The following SH3D19 variants were observed in gnomAD, a reference collection of about 807,000 sequenced individuals.
SH3D19 encodes the protein SH3 domain-containing protein 19.
A neutral mutation model predicts 112.1 loss-of-function variants in SH3D19; 58 were observed. The observed-to-expected ratio is 0.52, with a 90% CI of 0.42 to 0.64. The LOEUF (loss-of-function observed/expected upper bound fraction) is 0.64, where lower values mean the gene tolerates loss of function less well. Among genes scored for constraint, SH3D19 ranks in the 30% least tolerant of loss-of-function variants. SH3D19 has a pLI of 0.00. For missense variants in SH3D19, 1,090 were observed against 1,263.4 expected, an observed-to-expected ratio of 0.86 and a Z score of 2.08; for synonymous variants, 391 against 448.5, an observed-to-expected ratio of 0.87 and a Z score of 1.62.
At chr4:151,247,615 C>T (rs1389681851) in intron 1 of SH3D19, among the ~76,000 whole-genome samples, 1 of 152,156 alleles carries the variant, frequency 6.6e-6, no homozygotes, top group Non-Finnish European at 1.5e-5. Flanking sequence ...CATTTTAGAA[C>T]ATTCCCATCA....
chr4:151,247,639 G>A (rs1000333430), intron 1 of SH3D19, among the ~76,000 whole-genome samples: 9 of 152,070 alleles, frequency 5.9e-5, no homozygotes, highest in Admixed American at 3.3e-4. Flanking sequence ...TAGAAAGATC[G>A]CTTGTGCCCA....
chr4:151,204,838 T>C (rs1764874629), intron 2 of SH3D19, among the ~76,000 whole-genome samples: 1 of 152,198 alleles, frequency 6.6e-6, no homozygotes, highest in Non-Finnish European at 1.5e-5. Context: ...TTTCTTTTTT[T>C]GAGACAGAGT....
Position 151,137,846 on chromosome 4 carries a change from C to T in SH3D19, c.2313G>A (p.Leu771=), listed in dbSNP as rs781126586. 6.2e-7 allele frequency: 1 copy of T among 1,605,978 alleles called. No individual in the cohort carries two copies. Among genetic ancestry groups the T allele is most frequent in the South Asian group, 1.1e-5 (1 of 89,258 alleles). Residue 771 remains leucine, a synonymous_variant, in exon 14 of 20, where the codon TTG becomes TTA. Coordinates refer to ENST00000604030, the MANE Select transcript of SH3D19 (RefSeq NM_001378122.1). The stretch of plus-strand genomic sequence containing the variant: ...AAACAATTTCTCCAGAAGTGAGGTT[C>T]AAATCATCAACTTGCTCTGTAATAT... ...HDFPAEQVDD[L]NLTSGEIVYL...
chr4:151,195,833 C>T (rs1763376218), intron 2 of SH3D19, among the ~76,000 whole-genome samples: 1 of 150,190 alleles, frequency 6.7e-6, no homozygotes, highest in African/African-American at 2.5e-5. Flanking sequence ...TACTTTAGAT[C>T]ATACGTAAAG....
chr4:151,323,521 T>C (rs541158720), intron 1 of SH3D19, among the ~76,000 whole-genome samples: 1 of 152,330 alleles, frequency 6.6e-6, no homozygotes, highest in East Asian at 1.9e-4. Flanking sequence ...AAATAATTTC[T>C]TCTAAAAGAA....
chr4:151,165,712 G>T lies in SH3D19; in HGVS notation c.1535-16C>A. On this transcript the variant is annotated splice_polypyrimidine_tract_variant and intron_variant, in intron 7 of 19. Coordinates refer to ENST00000604030, the MANE Select transcript of SH3D19 (RefSeq NM_001378122.1). Reference sequence around the variant, plus strand: ...TGAAAGGGATCTAATGAAAAACATAGTTTATTTTGCATGTTTTAGTTAACA... The same window carrying T: ...TGAAAGGGATCTAATGAAAAACATATTTTATTTTGCATGTTTTAGTTAACA... 6 of 1,604,104 alleles carry T rather than the reference G, an allele frequency of 3.7e-6. No homozygotes were observed. Among genetic ancestry groups the T allele is most frequent in the Non-Finnish European group, 5.1e-6 (6 of 1,171,314 alleles).
intron 1 of SH3D19, among the ~76,000 whole-genome samples, chr4:151,246,799 C>T (rs1404099673): frequency 6.6e-6 from 1 of 152,212 alleles, no homozygotes; most frequent in Non-Finnish European, 1.5e-5. Flanking sequence ...CTGAATATCT[C>T]ATGCCTTATA....
At chr4:151,302,447 GA>G (rs201637567) in intron 1 of SH3D19, among the ~76,000 whole-genome samples, 1,988 of 152,190 alleles carry the variant, frequency 0.013, 28 homozygotes, top group Non-Finnish European at 0.016. Context: ...GAAACCTGAT[GA>G]AAAAAATAGT....
chr4:151,294,311 A>G (rs1775555353), intron 1 of SH3D19, among the ~76,000 whole-genome samples: 1 of 152,350 alleles, frequency 6.6e-6, no homozygotes, highest in South Asian at 2.1e-4. Context: ...GTTTTCAAAT[A>G]TCAGTTAAAT....
At chr4:151,212,536 A>G (rs537026635) in intron 2 of SH3D19, among the ~76,000 whole-genome samples, 58 of 152,218 alleles carry the variant, frequency 3.8e-4, no homozygotes, top group Non-Finnish European at 5.9e-4. Context: ...ATGACAGCAT[A>G]TCTGTTTACA....
chr4:151,224,140 T>A (rs1388345549), intron 2 of SH3D19, among the ~76,000 whole-genome samples: 2 of 152,096 alleles, frequency 1.3e-5, no homozygotes, highest in East Asian at 3.9e-4. Flanking sequence ...AAACCCCGTC[T>A]CTACTAAAAA....
intron 1 of SH3D19, among the ~76,000 whole-genome samples, chr4:151,315,789 A>C (rs1170430604): frequency 1.3e-5 from 2 of 151,018 alleles, no homozygotes; most frequent in Non-Finnish European, 3.0e-5. Flanking sequence ...CCATTTCTAC[A>C]AAAAAAAAGG....
intron 1 of SH3D19, among the ~76,000 whole-genome samples, chr4:151,293,909 T>G (rs1775528702): frequency 6.6e-6 from 1 of 152,152 alleles, no homozygotes. Context: ...TACTATTCCC[T>G]CTCCCCTGCT....
At chr4:151,187,838 T>C (rs2149851603) in intron 2 of SH3D19, among the ~76,000 whole-genome samples, 1 of 152,286 alleles carries the variant, frequency 6.6e-6, no homozygotes, top group South Asian at 2.1e-4. Flanking sequence ...TCTTCATATA[T>C]CACATCAAAG....
chr4:151,214,581 A>G (rs1190999237), intron 2 of SH3D19, among the ~76,000 whole-genome samples: 11 of 127,228 alleles, frequency 8.6e-5, no homozygotes, highest in African/African-American at 1.2e-4. Context: ...CTGGCCGGGC[A>G]GGGGGCTGAC....
intron 17 of SH3D19, among the ~76,000 whole-genome samples, chr4:151,129,670 G>A (rs761723278): frequency 6.6e-6 from 1 of 151,974 alleles, no homozygotes. Flanking sequence ...GCGCCTGGCC[G>A]GGACAAAGGC....
intron 7 of SH3D19, among the ~76,000 whole-genome samples, chr4:151,167,133 T>TA (rs576640624): frequency 9.2e-5 from 14 of 151,506 alleles, no homozygotes; most frequent in Non-Finnish European, 1.6e-4. Flanking sequence ...AGTCTTACGT[T>TA]AAAAAAACCA....
chr4:151,186,291 T>G (rs1411119267), intron 3 of SH3D19, among the ~76,000 whole-genome samples: 1 of 152,234 alleles, frequency 6.6e-6, no homozygotes, highest in Non-Finnish European at 1.5e-5. Flanking sequence ...AAATGTTCCT[T>G]TCTGATGGGA....
At chr4:151,257,570 A>T (rs534555198) in intron 1 of SH3D19, among the ~76,000 whole-genome samples, 17 of 152,142 alleles carry the variant, frequency 1.1e-4, no homozygotes, top group African/African-American at 2.9e-4. Flanking sequence ...CTTCTTCTTC[A>T]TCATCATTAT....
Sources: gnomAD v4.1 joint callset for allele counts (sites outside exome capture counted in the v4.1 genomes callset) on GRCh38, gnomAD v4.1.1 for gene constraint, MANE v1.5 for transcripts, NCBI Gene and HGNC (gene_info 2026-07-23, HGNC 2026-07-21) for gene names.